Variants in ARHGAP10 observed in about 807,000 individuals in gnomAD.
The protein encoded by ARHGAP10 is Rho GTPase activating protein 10.
A neutral mutation model predicts 108.6 loss-of-function variants in ARHGAP10; 87 were observed. The observed-to-expected ratio is 0.80, with a 90% CI of 0.67 to 0.96. ARHGAP10 has a LOEUF of 0.96. Ranked by LOEUF, ARHGAP10 falls within the 40% of genes least tolerant of loss-of-function variation. The probability of loss-of-function intolerance (pLI) is 0.00; values close to 1 mark genes in which losing one functional copy is unlikely to be tolerated. For missense variants in ARHGAP10, 939 were observed against 954.5 expected, an observed-to-expected ratio of 0.98 and a Z score of 0.21; for synonymous variants, 347 against 341.1, an observed-to-expected ratio of 1.02 and a Z score of -0.19.
chr4:148,067,289 CTG>C (rs936465966), intron 22 of ARHGAP10, among the ~76,000 whole-genome samples: 5 of 152,208 alleles, frequency 3.3e-5, no homozygotes, highest in Admixed American at 1.3e-4. Flanking sequence ...CAGGGTTTAT[CTG>C]TGTGTGTGTT....
At chr4:147,924,767 T>C (rs1737393528) in intron 13 of ARHGAP10, among the ~76,000 whole-genome samples, 1 of 152,224 alleles carries the variant, frequency 6.6e-6, no homozygotes, top group African/African-American at 2.4e-5. Flanking sequence ...TCTGTGTCTT[T>C]ATCATCTGTG....
intron 13 of ARHGAP10, among the ~76,000 whole-genome samples, chr4:147,924,734 T>G (rs188821935): frequency 1.2e-4 from 18 of 146,438 alleles, no homozygotes; most frequent in Admixed American, 1.2e-3. Flanking sequence ...GTTTTACTCC[T>G]TATTAACTCT....
intron 19 of ARHGAP10, among the ~76,000 whole-genome samples, chr4:148,039,780 G>GT (rs1337425570): frequency 6.6e-6 from 1 of 151,938 alleles, no homozygotes; most frequent in Non-Finnish European, 1.5e-5. Flanking sequence ...TTACTCCTCT[G>GT]TTTGGCACTC....
chr4:147,766,040 G>A (rs904908500), intron 1 of ARHGAP10, among the ~76,000 whole-genome samples: 2 of 152,062 alleles, frequency 1.3e-5, no homozygotes, highest in African/African-American at 2.4e-5. Flanking sequence ...CAGCACTTTG[G>A]TAGTCTGAGG....
chr4:148,057,982 T>C (rs2149686781), intron 20 of ARHGAP10, among the ~76,000 whole-genome samples: 1 of 152,326 alleles, frequency 6.6e-6, no homozygotes, highest in East Asian at 1.9e-4. Flanking sequence ...GTCACAGGCC[T>C]TTGTTTCTCT....
At chr4:147,832,241 C>T (rs1732980432) in intron 3 of ARHGAP10, among the ~76,000 whole-genome samples, 1 of 152,016 alleles carries the variant, frequency 6.6e-6, no homozygotes, top group South Asian at 2.1e-4. Context: ...AGCCAAGGTA[C>T]CTAGGATCAG....
chr4:148,005,095 A>G (rs1740893870), intron 18 of ARHGAP10, among the ~76,000 whole-genome samples: 1 of 152,096 alleles, frequency 6.6e-6, no homozygotes, highest in East Asian at 1.9e-4. Context: ...CACTTATTAC[A>G]CTTCAGGCAC....
intron 19 of ARHGAP10, among the ~76,000 whole-genome samples, chr4:148,033,359 G>A (rs372770047): frequency 6.6e-6 from 1 of 152,132 alleles, no homozygotes; most frequent in African/African-American, 2.4e-5. Context: ...TTTGTCCATA[G>A]AAATAATGTA....
chr4:147,826,840 T>C (rs1487826282), intron 3 of ARHGAP10, among the ~76,000 whole-genome samples: 4 of 152,168 alleles, frequency 2.6e-5, no homozygotes, highest in Non-Finnish European at 5.9e-5. Flanking sequence ...TTAGGTCATA[T>C]TCAAGTTTTC....
At chr4:148,019,645 G>A (rs1367889735) in intron 18 of ARHGAP10, among the ~76,000 whole-genome samples, 2 of 152,010 alleles carry the variant, frequency 1.3e-5, no homozygotes, top group Non-Finnish European at 1.5e-5. Flanking sequence ...AGCTACTCAG[G>A]AGGCTGAGGC....
chr4:147,862,636 A>G lies in ARHGAP10; in HGVS notation c.487-2210A>G, dbSNP rs1181862603. 7.9e-5 allele frequency: 12 copies of G among 152,266 alleles called. 1 individual carries two copies. Among genetic ancestry groups the G allele is most frequent in the Admixed American group, 7.8e-4 (12 of 15,288 alleles). The allele number at this position is 152,266 out of a possible 1,614,324, so 9.4% of individuals were successfully genotyped here. A position where few individuals can be genotyped will look rare whatever the true frequency, so the allele number is the denominator to read the frequency against. On this transcript the variant is annotated intron_variant, in intron 5 of 22. Coordinates refer to ENST00000336498, the MANE Select transcript of ARHGAP10 (RefSeq NM_024605.4). ...GATTTAATCACAGAGCATGTGGCAC[A>G]ACAGTTCTGGATTTTCAGAACATTA...
At chr4:147,771,964 G>A (rs1184226818) in intron 1 of ARHGAP10, among the ~76,000 whole-genome samples, 1 of 152,084 alleles carries the variant, frequency 6.6e-6, no homozygotes, top group Non-Finnish European at 1.5e-5. Flanking sequence ...GCTAATTTTT[G>A]TATTTTTAGT....
chr4:148,020,756 C>A (rs1388725929), intron 18 of ARHGAP10, among the ~76,000 whole-genome samples: 1 of 152,092 alleles, frequency 6.6e-6, no homozygotes, highest in South Asian at 2.1e-4. Context: ...AGCAAACATA[C>A]TCGTGCGTGT....
intron 18 of ARHGAP10, among the ~76,000 whole-genome samples, chr4:148,016,570 A>T (rs1213768006): frequency 6.6e-6 from 1 of 152,196 alleles, no homozygotes. Flanking sequence ...TAACACAACA[A>T]TCAACACAGA....
intron 1 of ARHGAP10, among the ~76,000 whole-genome samples, chr4:147,750,705 G>A (rs1342407419): frequency 1.3e-5 from 2 of 151,282 alleles, no homozygotes; most frequent in Non-Finnish European, 2.9e-5. Flanking sequence ...GGGTTCAAGC[G>A]ATTCTCCTGC....
chr4:147,919,139 G>T (rs770596337), intron 13 of ARHGAP10, among the ~76,000 whole-genome samples: 1 of 152,052 alleles, frequency 6.6e-6, no homozygotes, highest in Non-Finnish European at 1.5e-5. Context: ...TATTTGCAAG[G>T]CTTCAGACAA....
chr4:147,977,507 A>G (rs1217042095), intron 18 of ARHGAP10, among the ~76,000 whole-genome samples: 2 of 152,214 alleles, frequency 1.3e-5, no homozygotes, highest in Non-Finnish European at 2.9e-5. Context: ...ACACTGATTG[A>G]AAGATGATTG....
At position 147,949,421 on chromosome 4, in the gene ARHGAP10, A is replaced by G. The variant is rs140762201; in HGVS notation, c.1391+2717A>G. Among the ~76,000 whole-genome samples the G allele has an allele frequency of 1.5e-3, 224 of 152,330 alleles. 1 individual carries two copies. Among genetic ancestry groups the G allele is most frequent in the African/African-American group, 4.8e-3 (198 of 41,584 alleles). On this transcript the variant is annotated intron_variant, in intron 15 of 22. Coordinates refer to ENST00000336498, the MANE Select transcript of ARHGAP10 (RefSeq NM_024605.4). Reference sequence around the variant, plus strand: ...TGAGAAATTAGAACAGTGTTTCTCAACTGAGGATGGTTTTGTCCCTCAGTG... The same window carrying G: ...TGAGAAATTAGAACAGTGTTTCTCAGCTGAGGATGGTTTTGTCCCTCAGTG...
intron 1 of ARHGAP10, among the ~76,000 whole-genome samples, chr4:147,818,122 A>G (rs1732326978): frequency 6.6e-6 from 1 of 151,596 alleles, no homozygotes. Flanking sequence ...TGACTGAGTC[A>G]CTAAACTATC....
Sources: allele counts gnomAD v4.1 joint callset (sites outside exome capture counted in the v4.1 genomes callset), GRCh38; gene constraint gnomAD v4.1.1; transcripts MANE v1.5; gene names NCBI Gene and HGNC (gene_info 2026-07-23, HGNC 2026-07-21).